The following ADGRL3 variants were observed in gnomAD, a reference collection of about 807,000 sequenced individuals.
ADGRL3 encodes calcium-independent alpha-latrotoxin receptor 3.
A neutral mutation model predicts 153.5 loss-of-function variants in ADGRL3; 62 were observed. The observed-to-expected ratio is 0.40, with a 90% CI of 0.33 to 0.50. ADGRL3 has a LOEUF of 0.50. Among genes scored for constraint, ADGRL3 ranks in the 20% least tolerant of loss-of-function variants. The probability of loss-of-function intolerance (pLI) is 0.47; values close to 1 mark genes in which losing one functional copy is unlikely to be tolerated. For missense variants in ADGRL3, 1,641 were observed against 1,859.4 expected, an observed-to-expected ratio of 0.88 and a Z score of 2.16; for synonymous variants, 710 against 672.5, an observed-to-expected ratio of 1.06 and a Z score of -0.86.
At chr4:61,523,037 T>C (rs1250786244) in intron 4 of ADGRL3, among the ~76,000 whole-genome samples, 1 of 142,862 alleles carries the variant, frequency 7.0e-6, no homozygotes, top group East Asian at 2.1e-4. Context: ...GATTTTGAAT[T>C]TGACTGGTCT....
intron 5 of ADGRL3, among the ~76,000 whole-genome samples, chr4:61,606,802 G>T (rs2099034166): frequency 6.6e-6 from 1 of 152,000 alleles, no homozygotes; most frequent in Non-Finnish European, 1.5e-5. Context: ...TGCATAATGA[G>T]GATAGAATTA....
chr4:61,912,498 G>A (rs1049698073), intron 12 of ADGRL3, among the ~76,000 whole-genome samples: 1 of 152,098 alleles, frequency 6.6e-6, no homozygotes, highest in Non-Finnish European at 1.5e-5. Flanking sequence ...TTATACCATA[G>A]AGTTTTCACT....
intron 1 of ADGRL3, among the ~76,000 whole-genome samples, chr4:61,271,510 A>G (rs1249941682): frequency 6.6e-6 from 1 of 152,002 alleles, no homozygotes; most frequent in Non-Finnish European, 1.5e-5. Context: ...ATTTTGTAGC[A>G]TTGAACAACA....
chr4:61,466,766 A>T (rs183416544), intron 2 of ADGRL3, among the ~76,000 whole-genome samples: 10 of 152,182 alleles, frequency 6.6e-5, no homozygotes, highest in Non-Finnish European at 1.3e-4. Context: ...TCTATTGTAT[A>T]TCAATTAATA....
chr4:61,566,185 G>T (rs575343245), intron 4 of ADGRL3, among the ~76,000 whole-genome samples: 1 of 144,186 alleles, frequency 6.9e-6, no homozygotes, highest in Non-Finnish European at 1.6e-5. Flanking sequence ...CAATATGTTT[G>T]CAGGGTTGGT....
At chr4:61,751,706 A>G (rs1196934775) in intron 8 of ADGRL3, among the ~76,000 whole-genome samples, 4 of 152,184 alleles carry the variant, frequency 2.6e-5, no homozygotes, top group African/African-American at 9.6e-5. Context: ...AGAGATTTGG[A>G]GACTGAATAT....
At chr4:61,722,905 G>A (rs1345150630) in intron 6 of ADGRL3, among the ~76,000 whole-genome samples, 1 of 152,036 alleles carries the variant, frequency 6.6e-6, no homozygotes, top group Non-Finnish European at 1.5e-5. Flanking sequence ...TAATTTAAAA[G>A]TATTTACTAA....
At chr4:61,393,441 G>A (rs1299648255) in intron 2 of ADGRL3, among the ~76,000 whole-genome samples, 1 of 152,046 alleles carries the variant, frequency 6.6e-6, no homozygotes, top group East Asian at 1.9e-4. Context: ...ATGTAATTTA[G>A]ATTAAGCAAA....
At chr4:61,583,634 T>C (rs1003769030) in intron 4 of ADGRL3, 2 of 516,948 alleles carry the variant, frequency 3.9e-6, no homozygotes, top group Non-Finnish European at 7.7e-6. Flanking sequence ...TTTCTGAGGT[T>C]CTGACATCTT....
chr4:61,417,307 G>A (rs75661159), intron 2 of ADGRL3, among the ~76,000 whole-genome samples: 3 of 152,044 alleles, frequency 2.0e-5, no homozygotes, highest in South Asian at 2.1e-4. Context: ...GGGCAACATA[G>A]TGAGACCCCC....
intron 8 of ADGRL3, among the ~76,000 whole-genome samples, chr4:61,797,379 G>A (rs749712927): frequency 2.3e-4 from 35 of 152,126 alleles, no homozygotes; most frequent in Admixed American, 1.8e-3. Context: ...TGTTAATTTG[G>A]GGATTATATT....
intron 1 of ADGRL3, among the ~76,000 whole-genome samples, chr4:61,267,502 A>G (rs1053430083): frequency 6.6e-6 from 1 of 151,776 alleles, no homozygotes; most frequent in African/African-American, 2.4e-5. Context: ...CTACAGTGTC[A>G]GCTTTCTCAT....
intron 8 of ADGRL3, among the ~76,000 whole-genome samples, chr4:61,758,658 G>A (rs1487840830): frequency 6.6e-6 from 1 of 152,050 alleles, no homozygotes; most frequent in East Asian, 1.9e-4. Context: ...GTCTTTTAAT[G>A]GGAGCATTTA....
At chr4:61,236,931 C>T (rs1349623898) in intron 1 of ADGRL3, among the ~76,000 whole-genome samples, 2 of 152,124 alleles carry the variant, frequency 1.3e-5, no homozygotes, top group Admixed American at 6.6e-5. Flanking sequence ...ATGAATTTGA[C>T]TTTCTATTTC....
At position 61,979,672 on chromosome 4, in the gene ADGRL3, G is replaced by A; in HGVS notation, c.2915G>A (p.Gly972Glu). The change falls in exon 18 of 27, where the codon GGG (glycine) becomes GAG (glutamate). Residue 972 changes from glycine (G) to glutamate (E), a missense_variant. Physicochemically the swap from Gly to Glu is moderately conservative, Grantham distance 98 (BLOSUM62 -2). Transcript: ENST00000683033. ...ATCTTCACATTTTGCTTTTTCCGGG[G>A]GCTCCAGAGTGACCGTAACACCATC... ...ICIFTFCFFR[G>E]LQSDRNTIHK... The A allele has an allele frequency of 6.2e-7, 1 of 1,613,754 alleles. No individual in the cohort carries two copies. Among genetic ancestry groups the A allele is most frequent in the Non-Finnish European group, 8.5e-7 (1 of 1,179,868 alleles).
chr4:61,396,554 CATT>C (rs2096870986), intron 2 of ADGRL3, among the ~76,000 whole-genome samples: 2 of 151,816 alleles, frequency 1.3e-5, no homozygotes, highest in South Asian at 4.1e-4. Flanking sequence ...AGGTGTTTGG[CATT>C]ATTTCATTTT....
intron 11 of ADGRL3, among the ~76,000 whole-genome samples, chr4:61,903,043 A>G (rs924824904): frequency 2.0e-5 from 3 of 152,220 alleles, no homozygotes; most frequent in Admixed American, 6.5e-5. Flanking sequence ...AGATGGATAG[A>G]TAAGCGGATG....
At chr4:61,565,244 A>G (rs1467445556) in intron 4 of ADGRL3, among the ~76,000 whole-genome samples, 2 of 152,208 alleles carry the variant, frequency 1.3e-5, no homozygotes, top group Non-Finnish European at 2.9e-5. Flanking sequence ...ATACACTGAC[A>G]TAATGTTTGT....
At chr4:61,795,133 A>G (rs768781800) in intron 8 of ADGRL3, among the ~76,000 whole-genome samples, 1 of 152,136 alleles carries the variant, frequency 6.6e-6, no homozygotes, top group Non-Finnish European at 1.5e-5. Flanking sequence ...TTTATGCTCA[A>G]CCTAAATTTA....
Sources: allele counts gnomAD v4.1 joint callset (sites outside exome capture counted in the v4.1 genomes callset), GRCh38; gene constraint gnomAD v4.1.1; transcripts MANE v1.5; gene names NCBI Gene and HGNC (gene_info 2026-07-23, HGNC 2026-07-21).